CNTN1: variants seen among roughly 807,000 people sequenced by gnomAD.
The protein encoded by CNTN1 is contactin 1, also known as contactin-1.
CNTN1 carries 38 observed loss-of-function variants against 126.4 expected under a neutral mutation model. The ratio of observed to expected loss-of-function variants is 0.30; its 90% CI spans 0.23 to 0.39. The LOEUF (loss-of-function observed/expected upper bound fraction) is 0.39, where lower values mean the gene tolerates loss of function less well. CNTN1 is among the 10% of genes least tolerant of loss of function. The probability of loss-of-function intolerance (pLI) is 1.00; values close to 1 mark genes in which losing one functional copy is unlikely to be tolerated. For synonymous variants in CNTN1, 413 were observed against 422.6 expected, an observed-to-expected ratio of 0.98 and a Z score of 0.28; for missense variants, 1,009 against 1,248.4, an observed-to-expected ratio of 0.81 and a Z score of 2.89.
At chr12:40,848,058 C>T (rs528914080) in intron 1 of CNTN1, among the ~76,000 whole-genome samples, 6 of 152,272 alleles carry the variant, frequency 3.9e-5, no homozygotes, top group East Asian at 1.9e-4. Flanking sequence ...TCCTGCTGTG[C>T]GGCCCCCTTC....
chr12:40,837,091 T>TAA (rs1169980129), intron 1 of CNTN1, among the ~76,000 whole-genome samples: 1 of 152,190 alleles, frequency 6.6e-6, no homozygotes, highest in Middle Eastern at 3.2e-3. Flanking sequence ...AAAATATATA[T>TAA]AATGGGGCCA....
At chr12:40,837,826 G>A (rs1942117931) in intron 1 of CNTN1, among the ~76,000 whole-genome samples, 1 of 152,172 alleles carries the variant, frequency 6.6e-6, no homozygotes, top group South Asian at 2.1e-4. Flanking sequence ...AGTTGACACT[G>A]AGACATGGAT....
intron 17 of CNTN1, among the ~76,000 whole-genome samples, chr12:41,007,213 C>T (rs1948519259): frequency 6.6e-6 from 1 of 151,488 alleles, no homozygotes; most frequent in African/African-American, 2.4e-5. Context: ...GCGCCCGCCA[C>T]TACGCCCGGC....
At chr12:40,995,114 C>G (rs1948181327) in intron 17 of CNTN1, among the ~76,000 whole-genome samples, 1 of 151,802 alleles carries the variant, frequency 6.6e-6, no homozygotes, top group South Asian at 2.1e-4. Context: ...GTGCTTTGGC[C>G]CCTTAATTTC....
intron 15 of CNTN1, among the ~76,000 whole-genome samples, chr12:40,965,106 T>C (rs558094409): frequency 6.6e-6 from 1 of 151,896 alleles, no homozygotes; most frequent in South Asian, 2.1e-4. Flanking sequence ...TGGCAAATCA[T>C]GTGTTAGTTA....
chr12:40,947,855 A>G (rs1277871844), intron 14 of CNTN1, among the ~76,000 whole-genome samples: 1 of 150,808 alleles, frequency 6.6e-6, no homozygotes, highest in African/African-American at 2.4e-5. Context: ...TTACAAATAC[A>G]TGTTAAATTT....
intron 1 of CNTN1, among the ~76,000 whole-genome samples, chr12:40,806,663 C>T (rs1229708862): frequency 6.6e-6 from 1 of 152,062 alleles, no homozygotes; most frequent in African/African-American, 2.4e-5. Context: ...TGTCAGATGT[C>T]CTGAGCTATT....
At position 40,918,191 on chromosome 12, in the gene CNTN1, A is replaced by C. The variant is rs138551156; in HGVS notation, c.95-448A>C. Among the ~76,000 whole-genome samples the C allele has an allele frequency of 1.9e-4, 29 of 152,280 alleles. 1 individual carries two copies. The East Asian group carries it at 5.6e-3, about 29-fold the overall frequency. ...AAGTGTATTAAGTACCATAACCTTT[A>C]TGGGGAGCTACAGGAACTCAAAAGA... On this transcript the variant is annotated intron_variant, in intron 3 of 23. Coordinates refer to ENST00000551295, the MANE Select transcript of CNTN1 (RefSeq NM_001843.4).
At chr12:41,065,730 A>G (rs1262971317) in intron 23 of CNTN1, among the ~76,000 whole-genome samples, 3 of 152,232 alleles carry the variant, frequency 2.0e-5, no homozygotes, top group Non-Finnish European at 2.9e-5. Flanking sequence ...GAGCTGGGGC[A>G]TCATTGGTAA....
chr12:40,713,396 G>C (rs2121174612), intron 1 of CNTN1, among the ~76,000 whole-genome samples: 1 of 151,392 alleles, frequency 6.6e-6, no homozygotes, highest in South Asian at 2.1e-4. Flanking sequence ...CTGTCATACT[G>C]AGGAGCATTT....
chr12:40,910,082 G>T lies in CNTN1; in HGVS notation c.71G>T (p.Trp24Leu). 6.2e-7 allele frequency: 1 copy of T among 1,605,992 alleles called. No individual in the cohort carries two copies. The highest frequency in any genetic ancestry group is 8.5e-7 in the Non-Finnish European group (1 of 1,173,828). Residue 24 changes from tryptophan to leucine, a missense_variant, in exon 3 of 24, where the codon TGG becomes TTG. Physicochemically the swap from Trp to Leu is moderately conservative, Grantham distance 61 (BLOSUM62 -2). Coordinates refer to ENST00000551295, the MANE Select transcript of CNTN1 (RefSeq NM_001843.4). ...TTTCTTTCATTTTTAGAGTTTACAT[G>T]GTATAGAAGATATGGTCATGGAGGT... ...SITTCLAEFT[W>L]YRRYGHGVSE... is the part of the protein sequence containing the mutation.
intron 23 of CNTN1, among the ~76,000 whole-genome samples, chr12:41,057,510 G>T (rs945301412): frequency 1.3e-5 from 2 of 151,922 alleles, no homozygotes; most frequent in African/African-American, 4.8e-5. Flanking sequence ...CCTATGGCTA[G>T]CTAACAATGT....
intron 6 of CNTN1, among the ~76,000 whole-genome samples, chr12:40,926,193 A>ATAGG (rs1945685043): frequency 6.6e-6 from 1 of 151,658 alleles, no homozygotes; most frequent in African/African-American, 2.4e-5. Flanking sequence ...AGATAGATAG[A>ATAGG]TAGATAGATA....
intron 23 of CNTN1, among the ~76,000 whole-genome samples, chr12:41,067,250 T>C (rs1184119095): frequency 6.6e-6 from 1 of 152,176 alleles, no homozygotes; most frequent in African/African-American, 2.4e-5. Context: ...TTATTTCAAA[T>C]ATCCTGATGT....
At chr12:40,928,418 CT>C (rs1193464450) in intron 6 of CNTN1, among the ~76,000 whole-genome samples, 1 of 151,890 alleles carries the variant, frequency 6.6e-6, no homozygotes, top group African/African-American at 2.4e-5. Flanking sequence ...ACTAATTATC[CT>C]GTGACCCTAA....
At chr12:40,932,500 T>C (rs1945923610) in intron 7 of CNTN1, among the ~76,000 whole-genome samples, 1 of 151,974 alleles carries the variant, frequency 6.6e-6, no homozygotes. Context: ...CAGACTAATA[T>C]ATTACCTATT....
chr12:40,775,331 G>A (rs899901242), intron 1 of CNTN1, among the ~76,000 whole-genome samples: 1 of 151,296 alleles, frequency 6.6e-6, no homozygotes, highest in East Asian at 1.9e-4. Flanking sequence ...ATAATGTAAT[G>A]TATATTTCCT....
At chr12:40,898,407 C>T (rs993326275) in intron 1 of CNTN1, among the ~76,000 whole-genome samples, 1 of 152,050 alleles carries the variant, frequency 6.6e-6, no homozygotes. Flanking sequence ...AAATGTAATG[C>T]ATTTCTTGGT....
intron 1 of CNTN1, among the ~76,000 whole-genome samples, chr12:40,722,322 G>T (rs890564765): frequency 1.3e-5 from 2 of 152,116 alleles, no homozygotes; most frequent in Non-Finnish European, 2.9e-5. Context: ...ACAATATTCA[G>T]TTTTTGCTGA....
Sources: allele counts gnomAD v4.1 joint callset (sites outside exome capture counted in the v4.1 genomes callset), GRCh38; gene constraint gnomAD v4.1.1; transcripts MANE v1.5; gene names NCBI Gene and HGNC (gene_info 2026-07-23, HGNC 2026-07-21).